Variants in INPP5B observed in about 807,000 individuals in gnomAD.
The protein encoded by INPP5B is type II inositol 1,4,5-trisphosphate 5-phosphatase.
Under a neutral mutation model 118.5 loss-of-function variants are expected in INPP5B, and 90 were observed. The ratio of observed to expected loss-of-function variants is 0.76; its 90% CI spans 0.64 to 0.90. The LOEUF (loss-of-function observed/expected upper bound fraction) is 0.90, where lower values mean the gene tolerates loss of function less well. INPP5B is among the 40% of genes least tolerant of loss of function. The probability of loss-of-function intolerance (pLI) is 0.00; values close to 1 mark genes in which losing one functional copy is unlikely to be tolerated. For synonymous variants in INPP5B, 385 were observed against 418.9 expected (o/e 0.92, Z 0.99); for missense variants, 984 against 1,125.6 (o/e 0.87, Z 1.80).
In INPP5B at chr1:37,861,101, T is replaced by C. The variant is rs3200623; in HGVS notation, c.*1214A>G. On this transcript the variant is annotated 3_prime_UTR_variant, in exon 24 of 24. Coordinates refer to ENST00000373024, the MANE Select transcript of INPP5B (RefSeq NM_005540.3). ...ACCTCAGTCTCCCAAAGTGCCGAGA[T>C]TACAGGCGTGAGCCACTGTGCCTGG... 1.3e-5 allele frequency: 2 copies of C among 152,250 alleles called. No homozygotes were observed. The highest frequency in any genetic ancestry group is 4.8e-5 in the African/African-American group (2 of 41,462). 9.4% of individuals were successfully genotyped at this position (152,250 alleles called of 1,614,324 possible).
chr1:37,943,726 C>T lies in INPP5B; in HGVS notation c.251-57G>A, dbSNP rs973243912. 7 of 1,612,254 alleles carry T rather than the reference C, an allele frequency of 4.3e-6. No homozygotes were observed. In the Admixed American group the frequency reaches 8.3e-5, roughly 19 times the overall value. On this transcript the variant is annotated intron_variant, in intron 4 of 23. Transcript: ENST00000373024. ...AATTGAGCTTACTCCCCCTTGCCCC[C>T]CCATCAAGGACAAAGATGAGCTGGG...
intron 19 of INPP5B, 102 bp from the exon 20 acceptor site, chr1:37,868,716 C>T: frequency 1.4e-6 from 1 of 736,862 alleles, no homozygotes; most frequent in Non-Finnish European, 2.5e-6. Context: ...AAACATTCCA[C>T]TGCCCCTAAC....
In INPP5B at chr1:37,862,289, C is replaced by G; in HGVS notation, c.*26G>C. On this transcript the variant is annotated 3_prime_UTR_variant, in exon 24 of 24. Transcript: ENST00000373024. ...AGGTGGGGCTGGTAATTGGCAGCCT[C>G]AAGTAAAATAGGAGGAGAGAGAGGC... is the stretch of plus-strand genomic sequence containing the variant. The G allele has an allele frequency of 6.7e-7, 1 of 1,498,922 alleles. No homozygotes were observed. The highest frequency in any genetic ancestry group is 9.3e-7 in the Non-Finnish European group (1 of 1,075,766). The allele number at this position is 1,498,922 out of a possible 1,614,324, so 92.9% of individuals were successfully genotyped here.
intron 7 of INPP5B, among the ~76,000 whole-genome samples, chr1:37,917,311 TATATATATA>T (rs1557694344): frequency 0.033 from 254 of 7,706 alleles, 6 homozygotes; most frequent in African/African-American, 0.049. Flanking sequence ...AAAATAATTA[TATATATATA>T]TATATATATA....
chr1:37,921,996 C>A (rs2148635946), intron 7 of INPP5B, among the ~76,000 whole-genome samples: 1 of 152,252 alleles, frequency 6.6e-6, no homozygotes, highest in Admixed American at 6.5e-5. Context: ...CATGCCACTG[C>A]ACTCCAGCCT....
Position 37,868,598 on chromosome 1 carries a change from C to T in INPP5B, c.2204G>A (p.Trp735Ter), listed in dbSNP as rs1252317927. ...TISELTLMPV[W>*]TGDDGSQLDS... ...CAACTGGCTCCCATCATCTCCAGTC[C>T]ATACTGGCATCAGAGTCTGGAAAGC... is the stretch of plus-strand genomic sequence containing the variant. The change falls in exon 20 of 24, where the codon TGG (tryptophan) becomes TAG (stop). Residue 735 changes from tryptophan (W) to a stop codon, truncating the protein, a stop_gained. Transcript: ENST00000373024. LOFTEE classifies it high-confidence loss of function. The T allele has an allele frequency of 6.2e-7, 1 of 1,609,324 alleles. No individual in the cohort carries two copies. Among genetic ancestry groups the T allele is most frequent in the Non-Finnish European group, 8.5e-7 (1 of 1,175,640 alleles).
intron 19 of INPP5B, chr1:37,870,578 A>G (rs1203742428): frequency 6.6e-6 from 1 of 152,278 alleles, no homozygotes; most frequent in African/African-American, 2.4e-5. Flanking sequence ...GTGGCCCTAA[A>G]CAAGACACCT....
intron 7 of INPP5B, among the ~76,000 whole-genome samples, chr1:37,912,720 G>A (rs768025263): frequency 3.3e-5 from 5 of 151,994 alleles, no homozygotes; most frequent in Non-Finnish European, 5.9e-5. Context: ...TGCTGACAGG[G>A]CACCCTCCGA....
chr1:37,886,796 TG>T, intron 12 of INPP5B, 91 bp downstream of exon 12: 1 of 871,384 alleles, frequency 1.1e-6, no homozygotes, highest in Non-Finnish European at 1.9e-6. Flanking sequence ...ACCTTCAAAC[TG>T]GGACACGTGT....
intron 9 of INPP5B, 96 bp from the exon 10 acceptor site, chr1:37,888,440 G>A: frequency 1.4e-6 from 1 of 693,196 alleles, no homozygotes; most frequent in Non-Finnish European, 2.2e-6. Flanking sequence ...CCGTCTCTGT[G>A]GACTGGCATT....
intron 7 of INPP5B, among the ~76,000 whole-genome samples, chr1:37,921,611 C>T (rs779825047): frequency 9.2e-5 from 14 of 152,340 alleles, no homozygotes; most frequent in Middle Eastern, 3.4e-3. Context: ...CTTTGGGAGG[C>T]TGAGGTGGGA....
In INPP5B at chr1:37,920,686, G is replaced by GATA. The variant is rs1645022188; in HGVS notation, c.532+11226_532+11227insTAT. On this transcript the variant is annotated intron_variant, in intron 7 of 23. Transcript: ENST00000373024. Reference sequence around the variant, plus strand: ...TCTCAAAAAAAAAAAAGAAGAAGAAGAACAAGAGTGTAAGAGTCAGGTCTC... The same window carrying GATA: ...TCTCAAAAAAAAAAAAGAAGAAGAAGATAAACAAGAGTGTAAGAGTCAGGTCTC... Among the ~76,000 whole-genome samples the GATA allele has an allele frequency of 5.8e-5, 8 of 137,556 alleles. No homozygotes were observed. The South Asian group carries it at 1.9e-3, about 33-fold the overall frequency. 90.2% of individuals were successfully genotyped at this position (137,556 alleles called of 152,430 possible). A position where few individuals can be genotyped will look rare whatever the true frequency, so the allele number is the denominator to read the frequency against.
Position 37,880,145 on chromosome 1 carries a change from C to A in INPP5B, c.1481G>T (p.Gly494Val). Residue 494 changes from glycine (G) to valine (V), a missense_variant, in exon 15 of 24, where the codon GGT becomes GTT. Coordinates refer to ENST00000373024, the MANE Select transcript of INPP5B (RefSeq NM_005540.3). The stretch of plus-strand genomic sequence containing the variant: ...GTAAGTAGGCTGGAATGTGAGCTCA[C>A]CCTCTGTGAAGCCTTCAAAGACAGT... ...AKTVFEGFTE[G>V]ELTFQPTYKY... 1 of 1,612,252 alleles carries A rather than the reference C, an allele frequency of 6.2e-7. No homozygotes were observed. The highest frequency in any genetic ancestry group is 8.5e-7 in the Non-Finnish European group (1 of 1,178,680).
intron 7 of INPP5B, 174 bp downstream of exon 7, chr1:37,931,739 C>T (rs770585809): frequency 6.3e-7 from 1 of 1,593,208 alleles, no homozygotes; most frequent in African/African-American, 1.3e-5. Context: ...TCAAGCTCCT[C>T]ATCCCGCCGC....
rs931104458 is a variant in INPP5B at position 37,945,833 on chromosome 1, C to A, written c.75G>T (p.Leu25=). The change falls in exon 3 of 24, where the codon CTG becomes CTT. Residue 25 remains leucine (L), a synonymous_variant. Coordinates refer to ENST00000373024, the MANE Select transcript of INPP5B (RefSeq NM_005540.3). ...GGCTCTGCCGGCTGTCCCCCTCACA[C>A]AGCACACCTTGCACCGCCTGCGGCT... The part of the protein sequence containing the change: ...EYCVIAVQGV[L]CEGDSRQSRL... 1.9e-6 allele frequency: 3 copies of A among 1,613,890 alleles called. No individual in the cohort carries two copies. Among genetic ancestry groups the A allele is most frequent in the Admixed American group, 1.7e-5 (1 of 60,002 alleles).
chr1:37,905,347 G>C (rs1212862306), intron 7 of INPP5B, among the ~76,000 whole-genome samples: 3 of 152,170 alleles, frequency 2.0e-5, no homozygotes, highest in Non-Finnish European at 4.4e-5. Context: ...GTTGCAGTGA[G>C]CTGAGATCAT....
chr1:37,940,394 G>A (rs1645867296), intron 6 of INPP5B, among the ~76,000 whole-genome samples: 2 of 152,182 alleles, frequency 1.3e-5, no homozygotes, highest in Non-Finnish European at 2.9e-5. Context: ...TGCTTAGTCT[G>A]CCAACTTGTA....
Position 37,878,228 on chromosome 1 carries a change from G to T in INPP5B, c.1637C>A (p.Thr546Asn), listed in dbSNP as rs757691823. Reference sequence around the variant, plus strand: ...TGAGCTGACAGGCTTGTGGTCACTGGTCTTCAGGGCCATGTGGCTCTGGTA... The same window carrying T: ...TGAGCTGACAGGCTTGTGGTCACTGTTCTTCAGGGCCATGTGGCTCTGGTA... ...LSYQSHMALK[T>N]SDHKPVSSVF... The change falls in exon 16 of 24, where the codon ACC becomes AAC. Residue 546 changes from threonine (T) to asparagine (N), a missense_variant. Physicochemically the swap from Thr to Asn is moderately conservative, Grantham distance 65. This residue lies in a region of INPP5B where 634 missense variants were observed against 791.0 expected (regional missense o/e 0.80). Coordinates refer to ENST00000373024, the MANE Select transcript of INPP5B (RefSeq NM_005540.3). 6.2e-7 allele frequency: 1 copy of T among 1,614,132 alleles called. No individual in the cohort carries two copies.
intron 7 of INPP5B, 146 bp from the exon 8 acceptor site, chr1:37,891,600 C>T (rs1023937046): frequency 5.5e-6 from 3 of 549,298 alleles, no homozygotes; most frequent in African/African-American, 3.8e-5. Context: ...CATGGAGAAA[C>T]CCCGTCTCTA....
Sources: allele counts gnomAD v4.1 joint callset (sites outside exome capture counted in the v4.1 genomes callset), GRCh38; gene constraint gnomAD v4.1.1; regional missense constraint gnomAD v4.1.1; transcripts MANE v1.5; gene names NCBI Gene and HGNC (gene_info 2026-07-23, HGNC 2026-07-21).